MTHFD1L: variants seen among roughly 807,000 people sequenced by gnomAD.
MTHFD1L encodes the protein methylenetetrahydrofolate dehydrogenase (NADP+ dependent) 1 like, also known as monofunctional C1-tetrahydrofolate synthase, mitochondrial.
MTHFD1L carries 81 observed loss-of-function variants against 119.5 expected under a neutral mutation model. That is an observed-to-expected ratio of 0.68 (90% CI 0.57 to 0.82). The LOEUF (loss-of-function observed/expected upper bound fraction) is 0.82, where lower values mean the gene tolerates loss of function less well. MTHFD1L is among the 40% of genes least tolerant of loss of function. MTHFD1L has a pLI of 0.00. For synonymous variants in MTHFD1L, 430 were observed against 475.2 expected (o/e 0.90, Z 1.24); for missense variants, 1,125 against 1,253.4 (o/e 0.90, Z 1.55).
At chr6:150,955,551 G>C (rs1795512373) in intron 16 of MTHFD1L, among the ~76,000 whole-genome samples, 2 of 146,070 alleles carry the variant, frequency 1.4e-5, no homozygotes, top group African/African-American at 5.0e-5. Context: ...CCAGGCTGGA[G>C]TGCAGTGGTG....
chr6:151,078,052 C>CAAA (rs71014538), intron 26 of MTHFD1L, among the ~76,000 whole-genome samples: 15,267 of 59,662 alleles, frequency 0.26, 3,040 homozygotes, highest in South Asian at 0.4. Context: ...GACTCTGTCT[C>CAAA]AAAAAAAAAA....
chr6:150,898,445 G>A (rs1391858442), intron 7 of MTHFD1L, among the ~76,000 whole-genome samples: 1 of 152,172 alleles, frequency 6.6e-6, no homozygotes, highest in Non-Finnish European at 1.5e-5. Context: ...CAAAGGAAAC[G>A]GAATGCAGAA....
intron 26 of MTHFD1L, among the ~76,000 whole-genome samples, chr6:151,054,009 T>G (rs1301284697): frequency 6.6e-6 from 1 of 152,234 alleles, no homozygotes; most frequent in Non-Finnish European, 1.5e-5. Flanking sequence ...ACTTTTAATT[T>G]TAACTTTATG....
At chr6:151,072,553 G>C (rs1792056665) in intron 26 of MTHFD1L, among the ~76,000 whole-genome samples, 1 of 152,142 alleles carries the variant, frequency 6.6e-6, no homozygotes, top group East Asian at 1.9e-4. Context: ...ACTTTGGGAG[G>C]CTGAGGCGGC....
intron 24 of MTHFD1L, chr6:151,022,088 A>G: frequency 2.1e-6 from 1 of 471,008 alleles, no homozygotes; most frequent in South Asian, 1.5e-5. Flanking sequence ...CCACGAAGAC[A>G]GCCTGGAGCC....
intron 17 of MTHFD1L, among the ~76,000 whole-genome samples, chr6:150,959,926 A>G (rs533646627): frequency 6.6e-6 from 1 of 152,378 alleles, no homozygotes; most frequent in Admixed American, 6.5e-5. Flanking sequence ...TAATGACCAC[A>G]CTAGACTGAT....
intron 1 of MTHFD1L, among the ~76,000 whole-genome samples, chr6:150,872,388 A>T (rs1779693818): frequency 6.6e-6 from 1 of 152,182 alleles, no homozygotes; most frequent in Non-Finnish European, 1.5e-5. Context: ...TCTTCACTTG[A>T]ACACTTAGAG....
chr6:151,040,310 C>G (rs1455686606), intron 26 of MTHFD1L, among the ~76,000 whole-genome samples: 1 of 152,200 alleles, frequency 6.6e-6, no homozygotes. Flanking sequence ...AGGTAGTTTA[C>G]AGGTGGTAGA....
In MTHFD1L at chr6:151,034,037, T is replaced by C. The variant is rs139063108; in HGVS notation, c.2587-456T>C. On this transcript the variant is annotated intron_variant, in intron 24 of 27. Coordinates refer to ENST00000367321, the MANE Select transcript of MTHFD1L (RefSeq NM_015440.5). The stretch of plus-strand genomic sequence containing the variant: ...CAAAAAATGCAGAAAAAAAATTAGC[T>C]TGGAGTCATGGTGCACCCCTGTAGT... Among the ~76,000 whole-genome samples, 922 of 151,956 alleles carry C rather than the reference T, an allele frequency of 6.1e-3. 17 individuals carry two copies. The highest frequency in any genetic ancestry group is 0.02 in the African/African-American group (847 of 41,448).
intron 26 of MTHFD1L, among the ~76,000 whole-genome samples, chr6:151,066,439 A>AG (rs1233113943): frequency 1.1e-5 from 1 of 93,158 alleles, no homozygotes; most frequent in East Asian, 2.3e-4. Context: ...CTCCATCTCA[A>AG]AAAAAAAAAA....
chr6:151,081,196 G>A (rs1038702091), intron 26 of MTHFD1L, among the ~76,000 whole-genome samples: 1 of 152,088 alleles, frequency 6.6e-6, no homozygotes, highest in Non-Finnish European at 1.5e-5. Context: ...GTTTAATTAC[G>A]TCACAGGGTA....
chr6:150,981,700 C>A (rs1407193951), intron 20 of MTHFD1L, among the ~76,000 whole-genome samples: 1 of 152,158 alleles, frequency 6.6e-6, no homozygotes, highest in Non-Finnish European at 1.5e-5. Flanking sequence ...ATGAGTCTGG[C>A]TGTGTTCCAA....
intron 17 of MTHFD1L, among the ~76,000 whole-genome samples, chr6:150,958,044 A>G (rs1049269330): frequency 6.6e-6 from 1 of 152,262 alleles, no homozygotes; most frequent in Admixed American, 6.5e-5. Context: ...TGATAGTTCC[A>G]TTACATATAT....
At chr6:151,085,410 C>G (rs567182617) in intron 26 of MTHFD1L, among the ~76,000 whole-genome samples, 1 of 152,148 alleles carries the variant, frequency 6.6e-6, no homozygotes, top group African/African-American at 2.4e-5. Flanking sequence ...ACATGACTTA[C>G]GTCTTAGAAA....
At chr6:150,927,918 A>C (rs1790321695) in intron 11 of MTHFD1L, among the ~76,000 whole-genome samples, 1 of 152,172 alleles carries the variant, frequency 6.6e-6, no homozygotes, top group Admixed American at 6.5e-5. Context: ...GTCCAAGTGC[A>C]CTGATGCAGA....
At chr6:150,993,100 T>A (rs1174892475) in intron 20 of MTHFD1L, among the ~76,000 whole-genome samples, 1 of 152,216 alleles carries the variant, frequency 6.6e-6, no homozygotes, top group Non-Finnish European at 1.5e-5. Flanking sequence ...TATTGTTTAG[T>A]CCCTTTTTCT....
chr6:150,905,713 A>G lies in MTHFD1L; in HGVS notation c.844A>G (p.Ile282Val). The G allele has an allele frequency of 6.2e-7, 1 of 1,614,166 alleles. No homozygotes were observed. Among genetic ancestry groups the G allele is most frequent in the South Asian group, 1.1e-5 (1 of 91,086 alleles). ...PKPEEIPLTW[I>V]QPGTTVLNCS... ...GCCAGAAGAGATTCCCCTTACTTGGATACAACCAGGAACTACTGTTCTCAA... is the reference window on the plus strand; with the variant it reads ...GCCAGAAGAGATTCCCCTTACTTGGGTACAACCAGGAACTACTGTTCTCAA... The change falls in exon 8 of 28, where the codon ATA (isoleucine) becomes GTA (valine). Residue 282 changes from isoleucine (I) to valine (V), a missense_variant. Around this residue, in one of 3 missense-constraint regions of MTHFD1L, gnomAD observed 1,058 missense variants for 1,151.2 expected, o/e 0.92. Coordinates refer to ENST00000367321, the MANE Select transcript of MTHFD1L (RefSeq NM_015440.5).
In MTHFD1L at chr6:151,039,605, T is replaced by A. The variant is rs1237608509; in HGVS notation, c.2847+2488T>A. ...TAACAAAAATGGGTGCTGAAGAGCT[T>A]GCTTTATATTCGTTAGAATGGCCTC... is the stretch of plus-strand genomic sequence containing the variant. On this transcript the variant is annotated intron_variant, in intron 26 of 27. Coordinates refer to ENST00000367321, the MANE Select transcript of MTHFD1L (RefSeq NM_015440.5). The surrounding 1 kb of genome is among the most constrained non-coding windows in gnomAD (Gnocchi z 4.4). 1.3e-5 allele frequency among the ~76,000 whole-genome samples: 2 copies of A among 152,148 alleles called. No individual in the cohort carries two copies. Among genetic ancestry groups the A allele is most frequent in the African/African-American group, 2.4e-5 (1 of 41,432 alleles).
chr6:150,873,610 G>A (rs1390999666), intron 1 of MTHFD1L, among the ~76,000 whole-genome samples: 1 of 152,116 alleles, frequency 6.6e-6, no homozygotes, highest in Admixed American at 6.5e-5. Flanking sequence ...CCTGGACTCT[G>A]TTAAAAATGC....
Sources: gnomAD v4.1 joint callset for allele counts (sites outside exome capture counted in the v4.1 genomes callset) on GRCh38, gnomAD v4.1.1 for gene constraint, gnomAD v4.1.1 regional missense constraint, Gnocchi (gnomAD v3.1) non-coding constraint, MANE v1.5 for transcripts, NCBI Gene and HGNC (gene_info 2026-07-23, HGNC 2026-07-21) for gene names.